CDYL: variants seen among roughly 807,000 people sequenced by gnomAD.
CDYL encodes the protein chromodomain Y-like protein.
CDYL carries 8 observed loss-of-function variants against 47.3 expected under a neutral mutation model. That is an observed-to-expected ratio of 0.17 (90% CI 0.10 to 0.31). CDYL has a LOEUF of 0.31. Ranked by LOEUF, CDYL falls within the 10% of genes least tolerant of loss-of-function variation. The pLI, the probability that CDYL is intolerant of heterozygous loss-of-function variation, is 1.00. For synonymous variants in CDYL, 266 were observed against 265.0 expected (o/e 1.00, Z -0.04); for missense variants, 471 against 701.4 (o/e 0.67, Z 3.71).
chr6:4,943,480 A>G (rs1056829912), intron 4 of CDYL, 66 bp from the exon 5 acceptor site: 1 of 1,167,054 alleles, frequency 8.6e-7, no homozygotes, highest in South Asian at 1.4e-5. Flanking sequence ...TGAATTCCAT[A>G]ATAGACTTTT....
intron 1 of CDYL, among the ~76,000 whole-genome samples, chr6:4,799,038 T>C (rs181329918): frequency 4.6e-5 from 7 of 152,350 alleles, no homozygotes; most frequent in Admixed American, 3.9e-4. Flanking sequence ...AGGCCATTGC[T>C]GTATTGTCTT....
At chr6:4,764,633 A>G (rs574347913) in intron 3 of CDYL, among the ~76,000 whole-genome samples, 51 of 152,298 alleles carry the variant, frequency 3.3e-4, no homozygotes, top group Admixed American at 2.2e-3. Context: ...AAAAAGCATT[A>G]TTGGTGTCTT....
intron 3 of CDYL, among the ~76,000 whole-genome samples, chr6:4,753,101 G>A (rs765613884): frequency 1.3e-5 from 2 of 152,026 alleles, no homozygotes; most frequent in African/African-American, 2.4e-5. Context: ...TGGTAGAGAC[G>A]GGGTTTTGCC....
chr6:4,950,542 A>G (rs1029566120), intron 5 of CDYL, among the ~76,000 whole-genome samples: 4 of 152,214 alleles, frequency 2.6e-5, no homozygotes, highest in African/African-American at 9.6e-5. Context: ...AACCACTCAC[A>G]GTAAGGTCGG....
chr6:4,926,894 C>T (rs1166319951), intron 2 of CDYL, among the ~76,000 whole-genome samples: 1 of 152,122 alleles, frequency 6.6e-6, no homozygotes, highest in East Asian at 1.9e-4. Flanking sequence ...TCTGCAGGTA[C>T]CACACACCTT....
Position 4,862,287 on chromosome 6 carries a change from C to T in CDYL, c.25-29426C>T, listed in dbSNP as rs1232181071. On this transcript the variant is annotated intron_variant, in intron 1 of 6. Transcript: ENST00000397588. ...TTGAAAAAGAGAGAGGAAAGTGCTGCTGTTTCACTGGAGATATTTTCGTTC... is the reference window on the plus strand; with the variant it reads ...TTGAAAAAGAGAGAGGAAAGTGCTGTTGTTTCACTGGAGATATTTTCGTTC... Among the ~76,000 whole-genome samples, 3 of 152,188 alleles carry T rather than the reference C, an allele frequency of 2.0e-5. No individual in the cohort carries two copies. The East Asian group carries it at 5.8e-4, about 29-fold the overall frequency.
At chr6:4,820,214 T>A (rs1259329515) in intron 1 of CDYL, among the ~76,000 whole-genome samples, 1 of 152,114 alleles carries the variant, frequency 6.6e-6, no homozygotes, top group Non-Finnish European at 1.5e-5. Flanking sequence ...GATTTTAAAG[T>A]GTGGTTTTTC....
intron 1 of CDYL, among the ~76,000 whole-genome samples, chr6:4,791,006 C>T (rs999498604): frequency 4.6e-5 from 7 of 152,122 alleles, no homozygotes; most frequent in African/African-American, 1.7e-4. Context: ...AATTAGACCC[C>T]AAAGGTAGGT....
At chr6:4,780,792 A>T (rs534075813) in intron 1 of CDYL, among the ~76,000 whole-genome samples, 1 of 152,314 alleles carries the variant, frequency 6.6e-6, no homozygotes, top group South Asian at 2.1e-4. Context: ...CTTCCTCAAG[A>T]TTTAGGATTT....
At chr6:4,848,690 A>G (rs1303121014) in intron 1 of CDYL, among the ~76,000 whole-genome samples, 2 of 152,240 alleles carry the variant, frequency 1.3e-5, no homozygotes, top group Non-Finnish European at 2.9e-5. Context: ...GTGGCTATTT[A>G]TAGCTGCCCA....
intron 1 of CDYL, among the ~76,000 whole-genome samples, chr6:4,805,358 G>A (rs1265329): frequency 0.023 from 3,490 of 152,252 alleles, 143 homozygotes; most frequent in African/African-American, 0.079. Context: ...GTTAGAACTC[G>A]AATCAGGCAA....
At chr6:4,812,170 T>G (rs552515102) in intron 1 of CDYL, among the ~76,000 whole-genome samples, 5 of 152,364 alleles carry the variant, frequency 3.3e-5, no homozygotes, top group African/African-American at 1.2e-4. Flanking sequence ...GTGTTTAGAA[T>G]GTACACAAAC....
At chr6:4,830,646 A>C (rs532989518) in intron 1 of CDYL, among the ~76,000 whole-genome samples, 3 of 152,014 alleles carry the variant, frequency 2.0e-5, no homozygotes, top group Non-Finnish European at 4.4e-5. Flanking sequence ...GTACATGTGC[A>C]CAATGTGCAG....
At chr6:4,917,309 G>A (rs1355889136) in intron 2 of CDYL, among the ~76,000 whole-genome samples, 1 of 152,102 alleles carries the variant, frequency 6.6e-6, no homozygotes, top group Non-Finnish European at 1.5e-5. Flanking sequence ...TTCCATCCTT[G>A]CTTTGGCCTC....
At chr6:4,863,920 C>G (rs1017837072) in intron 1 of CDYL, among the ~76,000 whole-genome samples, 1 of 152,118 alleles carries the variant, frequency 6.6e-6, no homozygotes, top group Non-Finnish European at 1.5e-5. Flanking sequence ...CTGATAAGAT[C>G]CTCAAGTTGA....
chr6:4,952,304 G>C lies in CDYL; in HGVS notation c.1371G>C (p.Ala457=). The C allele has an allele frequency of 6.2e-7, 1 of 1,614,140 alleles. No individual in the cohort carries two copies. The highest frequency in any genetic ancestry group is 8.5e-7 in the Non-Finnish European group (1 of 1,180,024). Residue 457 remains alanine, a synonymous_variant, in exon 6 of 7, where the codon GCG becomes GCC. Coordinates refer to ENST00000397588, the MANE Select transcript of CDYL (RefSeq NM_004824.4). ...EMLLSGRKLT[A]QEACGKGLVS... is the part of the protein sequence containing the mutation. ...TGCTCAGTGGACGGAAGCTGACAGCGCAGGAGGCGTGTGGCAAGGGCCTGG... is the reference window on the plus strand; with the variant it reads ...TGCTCAGTGGACGGAAGCTGACAGCCCAGGAGGCGTGTGGCAAGGGCCTGG...
intron 1 of CDYL, among the ~76,000 whole-genome samples, chr6:4,848,699 C>G (rs1386947215): frequency 6.6e-6 from 1 of 152,192 alleles, no homozygotes; most frequent in Non-Finnish European, 1.5e-5. Flanking sequence ...TATAGCTGCC[C>G]AATGGCTTGC....
chr6:4,805,887 A>T (rs906822702), intron 1 of CDYL, among the ~76,000 whole-genome samples: 13 of 152,164 alleles, frequency 8.5e-5, no homozygotes, highest in African/African-American at 2.9e-4. Flanking sequence ...ACCCAGAAAT[A>T]ATGTTTTACT....
At chr6:4,803,902 T>G (rs901806938) in intron 1 of CDYL, among the ~76,000 whole-genome samples, 19 of 152,168 alleles carry the variant, frequency 1.2e-4, no homozygotes, top group Admixed American at 9.2e-4. Context: ...ACCTTTGTCC[T>G]TATATTGGTG....
Sources: gnomAD v4.1 joint callset for allele counts (sites outside exome capture counted in the v4.1 genomes callset) on GRCh38, gnomAD v4.1.1 for gene constraint, MANE v1.5 for transcripts, NCBI Gene and HGNC (gene_info 2026-07-23, HGNC 2026-07-21) for gene names.